The following PIGL variants were observed in gnomAD, a reference collection of about 807,000 sequenced individuals.
PIGL encodes phosphatidylinositol glycan anchor biosynthesis class L.
A neutral mutation model predicts 31.1 loss-of-function variants in PIGL; 22 were observed. The observed-to-expected ratio is 0.71, with a 90% confidence interval of 0.51 to 1.01. The LOEUF is 1.01. Ranked by LOEUF, PIGL falls within the 50% of genes least tolerant of loss-of-function variation. PIGL has a pLI of 0.00. For synonymous variants in PIGL, 131 were observed against 117.4 expected, an observed-to-expected ratio of 1.12 and a Z score of -0.75; for missense variants, 302 against 315.9, an observed-to-expected ratio of 0.96 and a Z score of 0.33.
Position 16,269,041 on chromosome 17 carries a change from C to T in PIGL, c.336-30847C>T, listed in dbSNP as rs545209460. Reference sequence around the variant, plus strand: ...CCTCCCAAAGTGCTGGGATTACATGCGTAAGCAACCATGCCCAGCCAGGTT... The same window carrying T: ...CCTCCCAAAGTGCTGGGATTACATGTGTAAGCAACCATGCCCAGCCAGGTT... On this transcript the variant is annotated intron_variant, in intron 2 of 6. Coordinates refer to ENST00000225609, the MANE Select transcript of PIGL (RefSeq NM_004278.4). Among the ~76,000 whole-genome samples the T allele has an allele frequency of 4.5e-4, 69 of 152,346 alleles. 1 individual carries two copies. The highest frequency in any genetic ancestry group is 3.4e-3 in the Admixed American group (52 of 15,308).
chr17:16,256,557 G>A (rs2092794336), intron 2 of PIGL, among the ~76,000 whole-genome samples: 1 of 151,994 alleles, frequency 6.6e-6, no homozygotes, highest in Non-Finnish European at 1.5e-5. Flanking sequence ...TCACTATGTT[G>A]GCCAGGCTGG....
At chr17:16,272,552 A>G (rs533024634) in intron 2 of PIGL, among the ~76,000 whole-genome samples, 9 of 152,300 alleles carry the variant, frequency 5.9e-5, no homozygotes, top group African/African-American at 1.9e-4. Flanking sequence ...ATCTACATGC[A>G]TTGTCTTCAC....
chr17:16,286,839 G>A (rs948002341), intron 2 of PIGL, among the ~76,000 whole-genome samples: 3 of 152,108 alleles, frequency 2.0e-5, no homozygotes. Flanking sequence ...GCCACTGACT[G>A]ATGGTACCCC....
intron 2 of PIGL, among the ~76,000 whole-genome samples, chr17:16,286,950 A>G (rs1433636384): frequency 6.6e-6 from 1 of 152,202 alleles, no homozygotes; most frequent in African/African-American, 2.4e-5. Context: ...ATTGGCCCTA[A>G]GCTTCCTAAG....
At chr17:16,296,653 C>CT (rs960704585) in intron 2 of PIGL, among the ~76,000 whole-genome samples, 146 of 144,502 alleles carry the variant, frequency 1.0e-3, no homozygotes, top group Middle Eastern at 3.6e-3. Flanking sequence ...GGAGTTCTTT[C>CT]TTTTTTTTTT....
At chr17:16,294,759 C>A (rs1007040859) in intron 2 of PIGL, among the ~76,000 whole-genome samples, 5 of 152,172 alleles carry the variant, frequency 3.3e-5, no homozygotes, top group Non-Finnish European at 7.3e-5. Context: ...TAGGAGGTAG[C>A]AGAGGGAAGA....
chr17:16,266,913 G>T (rs961210330), intron 2 of PIGL, among the ~76,000 whole-genome samples: 3 of 148,576 alleles, frequency 2.0e-5, no homozygotes, highest in African/African-American at 4.9e-5. Flanking sequence ...TTTTGGGGGG[G>T]GGGGGGTTGT....
At chr17:16,313,486 G>A in intron 3 of PIGL, 61 bp from the exon 4 acceptor site, 2 of 1,171,252 alleles carry the variant, frequency 1.7e-6, no homozygotes, top group Non-Finnish European at 1.3e-6. Context: ...GAAGGAGACA[G>A]CTCCATTGAA....
At chr17:16,251,005 A>C (rs2092768790) in intron 2 of PIGL, among the ~76,000 whole-genome samples, 1 of 152,248 alleles carries the variant, frequency 6.6e-6, no homozygotes, top group Admixed American at 6.5e-5. Flanking sequence ...ACTAAAGCTC[A>C]GAGAGATTAA....
intron 2 of PIGL, among the ~76,000 whole-genome samples, chr17:16,293,839 A>G (rs1364538590): frequency 6.6e-6 from 1 of 152,280 alleles, no homozygotes; most frequent in African/African-American, 2.4e-5. Flanking sequence ...AGAAAATAAT[A>G]GAATACTATT....
chr17:16,229,342 ATATATGTATG>A (rs2092667998), intron 1 of PIGL, among the ~76,000 whole-genome samples: 1 of 151,848 alleles, frequency 6.6e-6, no homozygotes, highest in African/African-American at 2.4e-5. Flanking sequence ...ACATACATAT[ATATATGTATG>A]TATATATACC....
intron 2 of PIGL, among the ~76,000 whole-genome samples, chr17:16,254,418 G>A (rs996306388): frequency 6.6e-6 from 1 of 150,508 alleles, no homozygotes; most frequent in Admixed American, 6.6e-5. Context: ...ACAGGCATGC[G>A]CCACCACACC....
chr17:16,239,521 C>G (rs62072528), intron 2 of PIGL, among the ~76,000 whole-genome samples: 57,316 of 151,834 alleles, frequency 0.38, 12,339 homozygotes, highest in Middle Eastern at 0.51. Context: ...AAAGAAAAGG[C>G]AGTAAAGTTT....
intron 2 of PIGL, among the ~76,000 whole-genome samples, chr17:16,287,055 A>G (rs1157724817): frequency 6.6e-6 from 1 of 152,230 alleles, no homozygotes; most frequent in Non-Finnish European, 1.5e-5. Context: ...ACTTAAATGT[A>G]CAATGATTTC....
intron 6 of PIGL, among the ~76,000 whole-genome samples, chr17:16,320,212 AGG>A (rs2093097467): frequency 1.6e-5 from 1 of 61,330 alleles, no homozygotes; most frequent in African/African-American, 7.5e-5. Flanking sequence ...AAAGGAAGGA[AGG>A]AAGGAAGGAA....
rs536322790 is a variant in PIGL at position 16,324,028 on chromosome 17, C to G, written c.661-1772C>G. ...CTGGAGTGCGATGATGCGATCTTGG[C>G]TCACTGCAACCTCTGCCTCCTGGGT... is the stretch of plus-strand genomic sequence containing the variant. On this transcript the variant is annotated intron_variant, in intron 6 of 6. Transcript: ENST00000225609. Among the ~76,000 whole-genome samples the G allele has an allele frequency of 3.3e-5, 5 of 152,162 alleles. No homozygotes were observed. The South Asian group carries it at 1.0e-3, about 32-fold the overall frequency.
intron 2 of PIGL, among the ~76,000 whole-genome samples, chr17:16,272,685 C>A (rs564352385): frequency 8.1e-4 from 124 of 152,172 alleles, no homozygotes; most frequent in Non-Finnish European, 1.5e-3. Context: ...CAGTAGGAAG[C>A]TTTTCAGTCC....
chr17:16,309,895 T>G (rs2093041600), intron 3 of PIGL, among the ~76,000 whole-genome samples: 1 of 151,972 alleles, frequency 6.6e-6, no homozygotes, highest in Non-Finnish European at 1.5e-5. Flanking sequence ...ACAGCCAACA[T>G]GGTGAAACCC....
chr17:16,310,646 C>T (rs1452414521), intron 3 of PIGL, among the ~76,000 whole-genome samples: 2 of 152,136 alleles, frequency 1.3e-5, no homozygotes, highest in Non-Finnish European at 2.9e-5. Context: ...AGGCGATTCT[C>T]CTGCCTCAAC....
Sources: allele counts gnomAD v4.1 joint callset (sites outside exome capture counted in the v4.1 genomes callset), GRCh38; gene constraint gnomAD v4.1.1; transcripts MANE v1.5; gene names NCBI Gene and HGNC (gene_info 2026-07-23, HGNC 2026-07-21).